Variants in PCNT observed in about 807,000 individuals in gnomAD.
The protein encoded by PCNT is kendrin.
PCNT carries 319 observed loss-of-function variants against 380.4 expected under a neutral mutation model. The ratio of observed to expected loss-of-function variants is 0.84; its 90% CI spans 0.77 to 0.92. PCNT has a LOEUF of 0.92. Among genes scored for constraint, PCNT ranks in the 40% least tolerant of loss-of-function variants. The pLI is 0.00. For synonymous variants in PCNT, 1,845 were observed against 1,735.2 expected (o/e 1.06, Z -1.57); for missense variants, 4,400 against 4,255.3 (o/e 1.03, Z -0.95).
chr21:46,438,573 C>T (rs1007567893), intron 41 of PCNT, among the ~76,000 whole-genome samples: 4 of 152,164 alleles, frequency 2.6e-5, no homozygotes, highest in Admixed American at 6.5e-5. Flanking sequence ...TGACCCTGAC[C>T]GCTACTTGAT....
rs778309639 is a variant in PCNT at position 46,346,803 on chromosome 21, C to G, written c.781C>G (p.Gln261Glu). The G allele has an allele frequency of 6.2e-7, 1 of 1,601,600 alleles. No homozygotes were observed. The highest frequency in any genetic ancestry group is 1.3e-5 in the African/African-American group (1 of 74,966). The change falls in exon 5 of 47, where the codon CAG becomes GAG. Residue 261 changes from glutamine to glutamate, a missense_variant. Gln to Glu is a conservative substitution (Grantham distance 29). Transcript: ENST00000359568. ...GAGTCTGAGCAACATGCACACGGCG[C>G]AGCTGGAGCTGACACAGGCCAACCT... ...RLSLSNMHTAQLELTQANLQK... is the reference protein window; with the variant it reads ...RLSLSNMHTAELELTQANLQK...
chr21:46,357,803 G>A (rs2084530984), intron 13 of PCNT, among the ~76,000 whole-genome samples: 1 of 152,226 alleles, frequency 6.6e-6, no homozygotes, highest in South Asian at 2.1e-4. Context: ...AAGCCCGGGT[G>A]CCAAGCACGT....
chr21:46,424,997 G>C (rs1291251371), intron 32 of PCNT, among the ~76,000 whole-genome samples: 1 of 152,070 alleles, frequency 6.6e-6, no homozygotes, highest in Admixed American at 6.6e-5. Context: ...CCCGTCGTAG[G>C]CTTCATCATT....
At chr21:46,372,583 T>C (rs922877931) in intron 15 of PCNT, among the ~76,000 whole-genome samples, 1 of 152,162 alleles carries the variant, frequency 6.6e-6, no homozygotes, top group Non-Finnish European at 1.5e-5. Flanking sequence ...TATGTGCAAA[T>C]TTTAGGTGAT....
chr21:46,343,426 A>G (rs2031279776), intron 3 of PCNT, among the ~76,000 whole-genome samples: 2 of 146,926 alleles, frequency 1.4e-5, no homozygotes, highest in South Asian at 2.3e-4. Context: ...TTTATGGGGT[A>G]TATCACATTT....
At position 46,438,163 on chromosome 21, in the gene PCNT, G is replaced by A; in HGVS notation, c.9100-1G>A. 6.2e-7 allele frequency: 1 copy of A among 1,612,872 alleles called. No homozygotes were observed. Among genetic ancestry groups the A allele is most frequent in the Non-Finnish European group, 8.5e-7 (1 of 1,179,034 alleles). On this transcript the variant is annotated splice_acceptor_variant, in intron 40 of 46. Transcript: ENST00000359568. LOFTEE classifies it high-confidence loss of function. ...TACAAATTTATTTTCTTTTCTCCAA[G>A]AAAAAAATGGCAGCAGAGCTGCAGT...
chr21:46,352,894 C>T (rs1446656276), intron 9 of PCNT, among the ~76,000 whole-genome samples: 2 of 152,216 alleles, frequency 1.3e-5, no homozygotes, highest in African/African-American at 4.8e-5. Context: ...GCTCCCAGCC[C>T]TGTGGCTCTT....
intron 3 of PCNT, among the ~76,000 whole-genome samples, chr21:46,335,597 C>CAA (rs397796372): frequency 6.1e-4 from 87 of 141,476 alleles, no homozygotes; most frequent in Non-Finnish European, 1.1e-3. Context: ...TTCCATCTCA[C>CAA]AAAAAAAAAA....
At chr21:46,370,887 TAGAC>T (rs1466812238) in intron 15 of PCNT, among the ~76,000 whole-genome samples, 3 of 152,038 alleles carry the variant, frequency 2.0e-5, no homozygotes, top group Non-Finnish European at 2.9e-5. Context: ...TACAAAAAAT[TAGAC>T]AGGCATGGTG....
chr21:46,343,549 AT>A (rs1210063702), intron 3 of PCNT, among the ~76,000 whole-genome samples: 2 of 152,048 alleles, frequency 1.3e-5, no homozygotes, highest in African/African-American at 2.4e-5. Flanking sequence ...TTTTGCATCT[AT>A]GTTCATCAGG....
At chr21:46,426,956 C>T (rs2087534487) in intron 33 of PCNT, among the ~76,000 whole-genome samples, 1 of 152,154 alleles carries the variant, frequency 6.6e-6, no homozygotes, top group African/African-American at 2.4e-5. Context: ...GGAGGGTCAG[C>T]CCCACCCGCC....
chr21:46,428,011 G>A (rs953956044), intron 34 of PCNT, among the ~76,000 whole-genome samples: 1 of 152,222 alleles, frequency 6.6e-6, no homozygotes, highest in Non-Finnish European at 1.5e-5. Flanking sequence ...TGCTCGAGAT[G>A]CACCCTCAGG....
Position 46,359,491 on chromosome 21 carries a change from G to GTTTTTTTTTTTTTTTTT in PCNT, c.2154+2316_2154+2317insTTTTTTTTTTTTTTTTT, listed in dbSNP as rs1219693835. On this transcript the variant is annotated intron_variant, in intron 13 of 46. Coordinates refer to ENST00000359568, the MANE Select transcript of PCNT (RefSeq NM_006031.6). ...CCAAAAATACACCTGTTTTTTTTTT[G>GTTTTTTTTTTTTTTTTT]TTTTTTTTTTTTTTTTGAGACAGTG... is the stretch of plus-strand genomic sequence containing the variant. Among the ~76,000 whole-genome samples the GTTTTTTTTTTTTTTTTT allele has an allele frequency of 1.3e-3, 84 of 66,070 alleles. 14 individuals carry two copies. The highest frequency in any genetic ancestry group is 1.7e-3 in the Non-Finnish European group (55 of 31,480). The allele number at this position is 66,070 out of a possible 152,430, so 43.3% of individuals were successfully genotyped here. A position where few individuals can be genotyped will look rare whatever the true frequency, so the allele number is the denominator to read the frequency against.
In PCNT at chr21:46,324,935, G is replaced by A. The variant is rs866052875; in HGVS notation, c.54+653G>A. The A allele has an allele frequency of 1.1e-5, 11 of 985,302 alleles. No individual in the cohort carries two copies. The South Asian group carries it at 4.2e-4, about 38-fold the overall frequency. 61.0% of individuals were successfully genotyped at this position (985,302 alleles called of 1,614,324 possible). ...AAAGGCCCCCGCGGCGCTCCCGGCC[G>A]CCGTCTTCTTCCCGCGCCCTTGGGC... On this transcript the variant is annotated intron_variant, in intron 1 of 46. Coordinates refer to ENST00000359568, the MANE Select transcript of PCNT (RefSeq NM_006031.6).
intron 2 of PCNT, among the ~76,000 whole-genome samples, chr21:46,331,109 T>A (rs1048262134): frequency 1.3e-5 from 2 of 152,156 alleles, no homozygotes; most frequent in African/African-American, 4.8e-5. Context: ...AATAAATTGC[T>A]TACTTTGATC....
rs1375435424 is a variant in PCNT, at chr21:46,425,176, C to T, written c.7180-655C>T. Among the ~76,000 whole-genome samples the T allele has an allele frequency of 2.0e-5, 3 of 152,162 alleles. No homozygotes were observed. Among genetic ancestry groups the T allele is most frequent in the African/African-American group, 4.8e-5 (2 of 41,420 alleles). On this transcript the variant is annotated intron_variant, in intron 32 of 46. Coordinates refer to ENST00000359568, the MANE Select transcript of PCNT (RefSeq NM_006031.6). This position sits in a 1 kb window ranked among gnomAD's most constrained non-coding sequence, Gnocchi z 4.2. The stretch of plus-strand genomic sequence containing the variant: ...CGTGACACCAGCTTCTCCATAGGGC[C>T]GTCTGCTTACCCCTCAGCCTCTCTG...
At chr21:46,359,781 C>T (rs2084638204) in intron 13 of PCNT, among the ~76,000 whole-genome samples, 1 of 151,926 alleles carries the variant, frequency 6.6e-6, no homozygotes, top group Non-Finnish European at 1.5e-5. Flanking sequence ...GCCACCGTAC[C>T]CAGCCTCGTC....
At chr21:46,415,103 G>A (rs1486876155) in intron 29 of PCNT, among the ~76,000 whole-genome samples, 7 of 152,228 alleles carry the variant, frequency 4.6e-5, no homozygotes, top group Admixed American at 1.3e-4. Context: ...GCACGTCGCT[G>A]GGACGTTTCT....
chr21:46,421,272 C>T (rs555269448), intron 31 of PCNT, among the ~76,000 whole-genome samples: 5 of 152,204 alleles, frequency 3.3e-5, no homozygotes, highest in South Asian at 2.1e-4. Context: ...TTTGTCCACA[C>T]GGGGGCCCCG....
Sources: gnomAD v4.1 joint callset for allele counts (sites outside exome capture counted in the v4.1 genomes callset) on GRCh38, gnomAD v4.1.1 for gene constraint, Gnocchi (gnomAD v3.1) non-coding constraint, MANE v1.5 for transcripts, NCBI Gene and HGNC (gene_info 2026-07-23, HGNC 2026-07-21) for gene names.